Variants in LRMDA observed in about 807,000 individuals in gnomAD.
LRMDA encodes the protein leucine-rich melanocyte differentiation-associated protein.
In LRMDA, 18 loss-of-function variants were observed where a neutral mutation model predicts 29.8. The observed-to-expected ratio is 0.60, with a 90% confidence interval of 0.42 to 0.90. The LOEUF is 0.90. Ranked by LOEUF, LRMDA falls within the 40% of genes least tolerant of loss-of-function variation. The pLI is 0.00. For missense variants in LRMDA, 273 were observed against 273.9 expected (o/e 1.00, Z 0.02); for synonymous variants, 125 against 109.4 (o/e 1.14, Z -0.89).
At chr10:75,902,443 A>G (rs1197229213) in intron 2 of LRMDA, among the ~76,000 whole-genome samples, 1 of 152,108 alleles carries the variant, frequency 6.6e-6, no homozygotes, top group Non-Finnish European at 1.5e-5. Context: ...GGCCTTGGGC[A>G]GGGGGCTCTA....
intron 5 of LRMDA, among the ~76,000 whole-genome samples, chr10:76,176,310 G>A (rs1850933556): frequency 6.6e-6 from 1 of 152,178 alleles, no homozygotes; most frequent in Admixed American, 6.5e-5. Flanking sequence ...AGGTGATGAA[G>A]TGTTGTGTAC....
chr10:76,478,547 G>C (rs559344768), intron 6 of LRMDA, among the ~76,000 whole-genome samples: 2 of 152,172 alleles, frequency 1.3e-5, no homozygotes, highest in African/African-American at 2.4e-5. Flanking sequence ...CCATTACTGG[G>C]TATATACCCA....
intron 5 of LRMDA, among the ~76,000 whole-genome samples, chr10:76,203,910 A>G (rs1333940762): frequency 1.4e-5 from 2 of 139,770 alleles, no homozygotes; most frequent in Non-Finnish European, 3.0e-5. Flanking sequence ...CCATCTCTCC[A>G]TGTGCCCGTC....
At chr10:76,508,105 C>T (rs897181329) in intron 6 of LRMDA, among the ~76,000 whole-genome samples, 1 of 152,136 alleles carries the variant, frequency 6.6e-6, no homozygotes, top group Non-Finnish European at 1.5e-5. Flanking sequence ...CATACTGCAT[C>T]CTTCTCAGTG....
chr10:76,178,728 C>T (rs535258383), intron 5 of LRMDA, among the ~76,000 whole-genome samples: 6 of 152,320 alleles, frequency 3.9e-5, no homozygotes, highest in African/African-American at 1.2e-4. Flanking sequence ...ATATTTCCCT[C>T]TGTGGCAATG....
rs1337265989 is a variant in LRMDA at position 75,466,408 on chromosome 10, C to A, written c.131+27914C>A. ...GATGGGGTGGGTCTGTGGGGGAAGCCTCTATGGTACCTTTTTTCTTTGCCT... is the reference window on the plus strand; with the variant it reads ...GATGGGGTGGGTCTGTGGGGGAAGCATCTATGGTACCTTTTTTCTTTGCCT... On this transcript the variant is annotated intron_variant, in intron 2 of 6. Transcript: ENST00000611255. Among the ~76,000 whole-genome samples the A allele has an allele frequency of 3.3e-5, 5 of 152,174 alleles. No homozygotes were observed. The East Asian group carries it at 9.6e-4, about 29-fold the overall frequency.
chr10:76,350,771 G>A (rs1841166394), intron 6 of LRMDA, among the ~76,000 whole-genome samples: 1 of 152,122 alleles, frequency 6.6e-6, no homozygotes, highest in Admixed American at 6.5e-5. Flanking sequence ...TTGCGGTGTG[G>A]AAGCTATTGC....
chr10:76,091,244 C>G (rs1736318518), intron 5 of LRMDA, among the ~76,000 whole-genome samples: 1 of 151,834 alleles, frequency 6.6e-6, no homozygotes, highest in Non-Finnish European at 1.5e-5. Flanking sequence ...TATGCCCACC[C>G]CAAACTGTTC....
At chr10:75,953,112 G>A (rs1378733705) in intron 2 of LRMDA, among the ~76,000 whole-genome samples, 4 of 151,860 alleles carry the variant, frequency 2.6e-5, no homozygotes, top group Non-Finnish European at 5.9e-5. Context: ...TCGTTCTGTT[G>A]TTCAGGCTTG....
rs563022864 is a variant in LRMDA, at chr10:76,196,536, A to C, written c.517-127865A>C. 2.6e-5 allele frequency among the ~76,000 whole-genome samples: 4 copies of C among 152,210 alleles called. No individual in the cohort carries two copies. In the East Asian group the frequency reaches 7.7e-4, roughly 29 times the overall value. ...ATCTCTCCCTGTGCTACTTCCTTACACTGCTTTGCTCTGTACCAGCCATTC... is the reference window on the plus strand; with the variant it reads ...ATCTCTCCCTGTGCTACTTCCTTACCCTGCTTTGCTCTGTACCAGCCATTC... On this transcript the variant is annotated intron_variant, in intron 5 of 6. Transcript: ENST00000611255.
chr10:76,537,600 C>A (rs983777556), intron 6 of LRMDA, among the ~76,000 whole-genome samples: 2 of 152,198 alleles, frequency 1.3e-5, no homozygotes, highest in Non-Finnish European at 2.9e-5. Context: ...GCCAGTGACA[C>A]TGCACCGCTC....
intron 2 of LRMDA, among the ~76,000 whole-genome samples, chr10:75,897,066 C>T (rs542647260): frequency 2.0e-5 from 3 of 152,186 alleles, no homozygotes; most frequent in East Asian, 1.9e-4. Context: ...AAGGTCTTAC[C>T]GTAGAAAAGC....
chr10:76,533,255 A>T (rs1264369044), intron 6 of LRMDA, among the ~76,000 whole-genome samples: 1 of 152,174 alleles, frequency 6.6e-6, no homozygotes, highest in African/African-American at 2.4e-5. Flanking sequence ...GTTGATTGTG[A>T]TTATTCTAAA....
intron 2 of LRMDA, among the ~76,000 whole-genome samples, chr10:75,813,275 T>C (rs1271709571): frequency 1.3e-5 from 2 of 152,192 alleles, no homozygotes; most frequent in East Asian, 3.8e-4. Flanking sequence ...ACTGCTTCCA[T>C]GACTGGAGGA....
chr10:76,231,248 T>C (rs1041140852), intron 5 of LRMDA, among the ~76,000 whole-genome samples: 1 of 152,190 alleles, frequency 6.6e-6, no homozygotes, highest in Non-Finnish European at 1.5e-5. Flanking sequence ...GTGTAATGAT[T>C]GTGTTATCTA....
At position 76,214,413 on chromosome 10, in the gene LRMDA, C is replaced by T. The variant is rs553771183; in HGVS notation, c.517-109988C>T. On this transcript the variant is annotated intron_variant, in intron 5 of 6. Transcript: ENST00000611255. ...GACTGCGTCCGCAGTGGCGCAATCT[C>T]GGCTCACTGTAAGCTCCGCTTCCCA... 3.5e-4 allele frequency among the ~76,000 whole-genome samples: 51 copies of T among 143,764 alleles called. No homozygotes were observed. In the South Asian group the frequency reaches 7.4e-3, roughly 21 times the overall value. The allele number at this position is 143,764 out of a possible 152,430, so 94.3% of individuals were successfully genotyped here.
At chr10:75,960,552 T>G (rs180967098) in intron 2 of LRMDA, among the ~76,000 whole-genome samples, 1 of 152,310 alleles carries the variant, frequency 6.6e-6, no homozygotes, top group Non-Finnish European at 1.5e-5. Context: ...TAACTGGAGG[T>G]TTCCATGATT....
chr10:75,695,663 G>T (rs1842224697), intron 2 of LRMDA, among the ~76,000 whole-genome samples: 1 of 152,004 alleles, frequency 6.6e-6, no homozygotes, highest in Non-Finnish European at 1.5e-5. Flanking sequence ...TTCTTCACTT[G>T]GTTTTGTGGG....
At chr10:76,369,285 T>C (rs904121049) in intron 6 of LRMDA, among the ~76,000 whole-genome samples, 10 of 152,330 alleles carry the variant, frequency 6.6e-5, no homozygotes, top group African/African-American at 1.9e-4. Flanking sequence ...GAGCTCCTTT[T>C]ATCAGTTCTT....
Sources: allele counts gnomAD v4.1 joint callset (sites outside exome capture counted in the v4.1 genomes callset), GRCh38; gene constraint gnomAD v4.1.1; transcripts MANE v1.5; gene names NCBI Gene and HGNC (gene_info 2026-07-23, HGNC 2026-07-21).